The following THSD4 variants were observed in gnomAD, a reference collection of about 807,000 sequenced individuals.
THSD4 encodes the protein thrombospondin type-1 domain-containing protein 4.
Under a neutral mutation model 119.0 loss-of-function variants are expected in THSD4, and 69 were observed. That is an observed-to-expected ratio of 0.58 (90% CI 0.48 to 0.71). The LOEUF is 0.71. Among genes scored for constraint, THSD4 ranks in the 30% least tolerant of loss-of-function variants. THSD4 has a pLI of 0.00. For synonymous variants in THSD4, 524 were observed against 540.4 expected (o/e 0.97, Z 0.42); for missense variants, 1,393 against 1,391.1 (o/e 1.00, Z -0.02).
At chr15:71,303,328 G>A (rs956432978) in intron 6 of THSD4, among the ~76,000 whole-genome samples, 2 of 152,190 alleles carry the variant, frequency 1.3e-5, no homozygotes, top group Non-Finnish European at 1.5e-5. Flanking sequence ...CTGGTCAGGA[G>A]GGGGGCAGTC....
intron 7 of THSD4, among the ~76,000 whole-genome samples, chr15:71,621,317 A>G (rs572288881): frequency 2.0e-5 from 3 of 152,326 alleles, no homozygotes; most frequent in African/African-American, 4.8e-5. Flanking sequence ...TTGTAAGTTC[A>G]ATGGAGATCA....
chr15:71,533,994 T>G (rs1383351458), intron 7 of THSD4, among the ~76,000 whole-genome samples: 1 of 152,218 alleles, frequency 6.6e-6, no homozygotes, highest in Non-Finnish European at 1.5e-5. Flanking sequence ...AAGTGATTTG[T>G]ATACACTTTC....
intron 7 of THSD4, among the ~76,000 whole-genome samples, chr15:71,444,158 G>A (rs964117056): frequency 2.6e-5 from 4 of 152,216 alleles, no homozygotes; most frequent in African/African-American, 9.7e-5. Context: ...TGAATGGTGG[G>A]TTGCTGGGTG....
intron 8 of THSD4, among the ~76,000 whole-genome samples, chr15:71,686,687 A>G (rs376650418): frequency 2.8e-4 from 42 of 152,320 alleles, no homozygotes; most frequent in African/African-American, 9.6e-4. Flanking sequence ...GATGGAGGAC[A>G]TGGTGCACTC....
At chr15:71,257,362 C>A (rs988347059) in intron 6 of THSD4, among the ~76,000 whole-genome samples, 7 of 152,114 alleles carry the variant, frequency 4.6e-5, no homozygotes, top group African/African-American at 1.7e-4. Context: ...CTACCCACCC[C>A]TGGAGAAAGT....
chr15:71,716,815 C>T (rs765501164), intron 8 of THSD4, among the ~76,000 whole-genome samples: 14 of 152,152 alleles, frequency 9.2e-5, no homozygotes, highest in Non-Finnish European at 1.9e-4. Flanking sequence ...ATGCTTCTTT[C>T]CTCATGTGTT....
Position 71,486,724 on chromosome 15 carries a change from G to A in THSD4, c.1152+74901G>A, listed in dbSNP as rs142807169. Among the ~76,000 whole-genome samples, 289 of 151,394 alleles carry A rather than the reference G, an allele frequency of 1.9e-3. 1 individual carries two copies. Among genetic ancestry groups the A allele is most frequent in the African/African-American group, 6.4e-3 (262 of 41,196 alleles). ...GATTGGCCCCTTATCTGCAGCTCCC[G>A]GGTGTGAATTTCTTTGTTGTGAATG... On this transcript the variant is annotated intron_variant, in intron 7 of 17. Transcript: ENST00000261862.
intron 5 of THSD4, among the ~76,000 whole-genome samples, chr15:71,245,893 G>A (rs1372769970): frequency 2.6e-5 from 4 of 152,098 alleles, no homozygotes; most frequent in Non-Finnish European, 2.9e-5. Flanking sequence ...CTTTCTAAGG[G>A]GAGCAGTCTC....
chr15:71,104,974 T>C (rs2141340935), intron 1 of THSD4, among the ~76,000 whole-genome samples: 1 of 152,220 alleles, frequency 6.6e-6, no homozygotes, highest in East Asian at 1.9e-4. Flanking sequence ...AGGAGTCTGT[T>C]TTGTTAGTCT....
chr15:71,763,855 A>C (rs1472549935), intron 15 of THSD4, among the ~76,000 whole-genome samples: 2 of 152,182 alleles, frequency 1.3e-5, no homozygotes, highest in Non-Finnish European at 2.9e-5. Context: ...ATTTGGGTTC[A>C]GGAGTTCAAG....
chr15:71,154,483 T>G (rs1201200089), intron 2 of THSD4, among the ~76,000 whole-genome samples: 1 of 152,212 alleles, frequency 6.6e-6, no homozygotes, highest in Non-Finnish European at 1.5e-5. Flanking sequence ...TGGGCTACAC[T>G]AGCACTCCCT....
chr15:71,389,811 T>G (rs28389785), intron 6 of THSD4, among the ~76,000 whole-genome samples: 3 of 60,132 alleles, frequency 5.0e-5, no homozygotes, highest in South Asian at 6.6e-4. Flanking sequence ...TTCTGGGTTG[T>G]TTTTTTTTTT....
In THSD4 at chr15:71,737,944, C is replaced by T. The variant is rs1047886406; in HGVS notation, c.1843C>T (p.Arg615Cys). ...GCCACCAGCACCGCAGCCCCCACGG[C>T]GCAGCCGGGATCACAACTGGAAGCA... ...LVPPAPQPPRRSRDHNWKQLG... is the reference protein window; with the variant it reads ...LVPPAPQPPRCSRDHNWKQLG... The change falls in exon 11 of 18, where the codon CGC (arginine) becomes TGC (cysteine). Residue 615 changes from arginine to cysteine, a missense_variant. Coordinates refer to ENST00000261862, the MANE Select transcript of THSD4 (RefSeq NM_024817.3). 26 of 1,613,922 alleles carry T rather than the reference C, an allele frequency of 1.6e-5. No homozygotes were observed. Among genetic ancestry groups the T allele is most frequent in the Middle Eastern group, 1.6e-4 (1 of 6,084 alleles).
chr15:71,571,323 T>C (rs1266342704), intron 7 of THSD4, among the ~76,000 whole-genome samples: 4 of 152,082 alleles, frequency 2.6e-5, no homozygotes, highest in Admixed American at 6.5e-5. Context: ...AGGGGTAGAA[T>C]GCCGCATGCT....
At chr15:71,665,829 G>A (rs546866232) in intron 8 of THSD4, among the ~76,000 whole-genome samples, 1 of 152,124 alleles carries the variant, frequency 6.6e-6, no homozygotes, top group Admixed American at 6.6e-5. Context: ...TTATTTCTGG[G>A]CCTTATTTCT....
At chr15:71,702,194 C>G (rs2052304713) in intron 8 of THSD4, among the ~76,000 whole-genome samples, 1 of 152,130 alleles carries the variant, frequency 6.6e-6, no homozygotes, top group African/African-American at 2.4e-5. Context: ...CCAGGGGCCC[C>G]CCAGAACCAC....
At chr15:71,517,719 TTACTC>T (rs1291758510) in intron 7 of THSD4, among the ~76,000 whole-genome samples, 1 of 152,186 alleles carries the variant, frequency 6.6e-6, no homozygotes, top group Non-Finnish European at 1.5e-5. Context: ...ACTAATTGCT[TTACTC>T]TACTCCTCAT....
At chr15:71,570,164 G>A (rs970517178) in intron 7 of THSD4, among the ~76,000 whole-genome samples, 2 of 152,076 alleles carry the variant, frequency 1.3e-5, no homozygotes, top group Non-Finnish European at 2.9e-5. Context: ...TATATGCCAA[G>A]CACTAACCTA....
intron 6 of THSD4, among the ~76,000 whole-genome samples, chr15:71,264,963 G>A (rs1160343873): frequency 1.3e-5 from 2 of 152,090 alleles, no homozygotes; most frequent in African/African-American, 4.8e-5. Flanking sequence ...TTTGAAGATG[G>A]GGACTCTAAG....
Sources: allele counts gnomAD v4.1 joint callset (sites outside exome capture counted in the v4.1 genomes callset), GRCh38; gene constraint gnomAD v4.1.1; transcripts MANE v1.5; gene names NCBI Gene and HGNC (gene_info 2026-07-23, HGNC 2026-07-21).